USP6: variants seen among roughly 807,000 people sequenced by gnomAD.
USP6 encodes the protein ubiquitin carboxyl-terminal hydrolase 6.
Under a neutral mutation model 175.7 loss-of-function variants are expected in USP6, and 128 were observed. That is an observed-to-expected ratio of 0.73 (90% CI 0.63 to 0.84). The LOEUF (loss-of-function observed/expected upper bound fraction) is 0.84. USP6 is among the 40% of genes least tolerant of loss of function. The pLI, the probability that USP6 is intolerant of heterozygous loss-of-function variation, is 0.00. For synonymous variants in USP6, 562 were observed against 630.6 expected (o/e 0.89, Z 1.63); for missense variants, 1,498 against 1,760.3 (o/e 0.85, Z 2.67).
chr17:5,148,571 C>T lies in USP6; in HGVS notation c.2447C>T (p.Pro816Leu). Residue 816 changes from proline to leucine, a missense_variant, in exon 30 of 38, where the codon CCA (proline) becomes CTA (leucine). Pro to Leu is a moderately conservative substitution (Grantham distance 98). Around this residue, in one of 2 missense-constraint regions of USP6, gnomAD observed 1,217 missense variants for 1,500.8 expected, o/e 0.81. Coordinates refer to ENST00000574788, the MANE Select transcript of USP6 (RefSeq NM_001304284.2). ...SPTQIDFSSSPSTNGMFTLTT... is the reference protein window; with the variant it reads ...SPTQIDFSSSLSTNGMFTLTT... The stretch of plus-strand genomic sequence containing the variant: ...GAATTTGTAGATTTCTCCTCTTCAC[C>T]ATCTACAAATGGAATGTTCACCCTA... The T allele has an allele frequency of 1.2e-6, 2 of 1,613,872 alleles. No homozygotes were observed. The highest frequency in any genetic ancestry group is 1.7e-6 in the Non-Finnish European group (2 of 1,179,772).
chr17:5,143,185 C>T (rs1345949791), intron 25 of USP6, among the ~76,000 whole-genome samples: 1 of 152,114 alleles, frequency 6.6e-6, no homozygotes. Flanking sequence ...TGAGGGGCGC[C>T]TCTGCCTGGC....
intron 2 of USP6, 45 bp from the exon 3 acceptor site, chr17:5,120,582 C>T: frequency 2.8e-6 from 1 of 360,728 alleles, no homozygotes; most frequent in Non-Finnish European, 5.4e-6. Context: ...CAGGGTCTTT[C>T]CCCAGGATGG....
rs1444237669 is a variant in USP6 at position 5,136,707 on chromosome 17, G to A, written c.732G>A (p.Lys244=). Residue 244 remains lysine, a synonymous_variant, in exon 18 of 38, where the codon AAG becomes AAA. Coordinates refer to ENST00000574788, the MANE Select transcript of USP6 (RefSeq NM_001304284.2). ...ACCAACAGGAGCATGTGGTACCCAA[G>A]TCACAACCCAAGACCATGTGGCATC... The part of the protein sequence containing the change: ...LQDQQEHVVP[K]SQPKTMWHQD... The A allele has an allele frequency of 1.9e-6, 3 of 1,612,306 alleles. No homozygotes were observed. Among genetic ancestry groups the A allele is most frequent in the Non-Finnish European group, 2.5e-6 (3 of 1,179,750 alleles).
chr17:5,131,374 C>T (rs558042323), intron 11 of USP6, among the ~76,000 whole-genome samples: 1 of 148,496 alleles, frequency 6.7e-6, no homozygotes, highest in South Asian at 2.2e-4. Flanking sequence ...GGAGAGACAG[C>T]GGATGCCGGG....
intron 2 of USP6, among the ~76,000 whole-genome samples, chr17:5,118,925 T>C (rs941921609): frequency 1.3e-5 from 2 of 152,080 alleles, no homozygotes; most frequent in Non-Finnish European, 2.9e-5. Context: ...CAACATTTGA[T>C]TGGTAAGAAG....
In USP6 at chr17:5,136,751, C is replaced by T. The variant is rs770464717; in HGVS notation, c.759+17C>T. 3 of 1,611,350 alleles carry T rather than the reference C, an allele frequency of 1.9e-6. No homozygotes were observed. The highest frequency in any genetic ancestry group is 2.5e-6 in the Non-Finnish European group (3 of 1,178,948). ...TGGCATCAGGTGAGTTTATGGTCCC[C>T]TCGGCTCTTCTCAGAGGCCCTGCCT... On this transcript the variant is annotated intron_variant, in intron 18 of 37. Coordinates refer to ENST00000574788, the MANE Select transcript of USP6 (RefSeq NM_001304284.2).
At position 5,146,048 on chromosome 17, in the gene USP6, T is replaced by C; in HGVS notation, c.2193T>C (p.Pro731=). Residue 731 remains proline (P), a synonymous_variant, in exon 28 of 38, where the codon CCT becomes CCC. Transcript: ENST00000574788. ...TGATTAAGTTAGATGGTACTACCCC[T>C]GTACGGTATGGACTAAGACTGAATA... ...ITVIKLDGTT[P]VRYGLRLNMD... 1 of 1,611,760 alleles carries C rather than the reference T, an allele frequency of 6.2e-7. No individual in the cohort carries two copies. The highest frequency in any genetic ancestry group is 8.5e-7 in the Non-Finnish European group (1 of 1,178,794).
At chr17:5,168,563 G>A (rs747758809) in intron 34 of USP6, among the ~76,000 whole-genome samples, 27 of 152,250 alleles carry the variant, frequency 1.8e-4, no homozygotes, top group Non-Finnish European at 2.6e-4. Flanking sequence ...TGAGTTGAGC[G>A]CGTGTGCACA....
rs2144168375 is a variant in USP6 at position 5,168,837 on chromosome 17, T to C, written c.3299T>C (p.Leu1100Pro). The C allele has an allele frequency of 6.2e-7, 1 of 1,611,962 alleles. No individual in the cohort carries two copies. Among genetic ancestry groups the C allele is most frequent in the South Asian group, 1.1e-5 (1 of 90,560 alleles). ...WIKSQKIVRF[L>P]RESFDPSAFL... ...AAATCACAGAAAATTGTCAGATTTC[T>C]TCGGGAAAGTTTTGATCCGAGTGCT... is the stretch of plus-strand genomic sequence containing the variant. The change falls in exon 35 of 38, where the codon CTT becomes CCT. Residue 1100 changes from leucine (L) to proline (P), a missense_variant. Leu to Pro is a moderately conservative substitution (Grantham distance 98). Coordinates refer to ENST00000574788, the MANE Select transcript of USP6 (RefSeq NM_001304284.2).
At chr17:5,117,515 C>CA (rs59282298) in intron 1 of USP6, among the ~76,000 whole-genome samples, 5,085 of 61,554 alleles carry the variant, frequency 0.083, 172 homozygotes, top group African/African-American at 0.15. Flanking sequence ...GACTCCGTCT[C>CA]AAAAAAAAAA....
At chr17:5,130,791 C>A in intron 11 of USP6, 107 bp downstream of exon 11, 4 of 1,398,582 alleles carry the variant, frequency 2.9e-6, no homozygotes, top group South Asian at 2.4e-5. Flanking sequence ...CTCGCTAGGT[C>A]GGGCCAACCT....
Position 5,141,416 on chromosome 17 carries a change from T to A in USP6, c.1499-9T>A, listed in dbSNP as rs773527104. 1 of 1,601,940 alleles carries A rather than the reference T, an allele frequency of 6.2e-7. No homozygotes were observed. On this transcript the variant is annotated splice_polypyrimidine_tract_variant and intron_variant, in intron 22 of 37. Transcript: ENST00000574788. ...TAAGAAATTAACACATTCCTATCTG[T>A]CCTTCCAGTTCACAACAAAGATATG...
At chr17:5,171,553 T>C (rs1469807021) in intron 36 of USP6, 34 bp from the exon 37 acceptor site, 2 of 1,607,800 alleles carry the variant, frequency 1.2e-6, no homozygotes, top group Non-Finnish European at 1.7e-6. Context: ...TACAGTTAAC[T>C]ACTAACATAC....
chr17:5,138,926 C>T (rs746391415), intron 21 of USP6: 1 of 1,235,198 alleles, frequency 8.1e-7, no homozygotes, highest in South Asian at 1.3e-5. Context: ...TGGGTGACAT[C>T]CAAGGCCCCT....
intron 22 of USP6, 152 bp from the exon 23 acceptor site, chr17:5,141,273 C>A: frequency 4.5e-6 from 3 of 659,950 alleles, no homozygotes; most frequent in East Asian, 2.9e-5. Context: ...AGAATGTAAC[C>A]TCATCATTAA....
intron 30 of USP6, among the ~76,000 whole-genome samples, chr17:5,154,914 T>G (rs967744341): frequency 1.3e-5 from 2 of 152,116 alleles, no homozygotes; most frequent in Non-Finnish European, 2.9e-5. Flanking sequence ...TATTTATTTC[T>G]TTATAGAGAT....
In USP6 at chr17:5,146,133, G is replaced by C; in HGVS notation, c.2278G>C (p.Glu760Gln). The change falls in exon 28 of 38, where the codon GAA becomes CAA. Residue 760 changes from glutamate (E) to glutamine (Q), a missense_variant. By Grantham distance (29) the Glu-to-Gln change is conservative (BLOSUM62 2). Around this residue, in one of 2 missense-constraint regions of USP6, gnomAD observed 1,217 missense variants for 1,500.8 expected, o/e 0.81. Transcript: ENST00000574788. ...GAGGGATCTCTGTGGACTTAATTCA[G>C]AACAAATCCTACTAGCAGAAGTACA... ...QLRDLCGLNS[E>Q]QILLAEVHDS... 6.2e-7 allele frequency: 1 copy of C among 1,612,226 alleles called. No homozygotes were observed. Among genetic ancestry groups the C allele is most frequent in the Non-Finnish European group, 8.5e-7 (1 of 1,179,094 alleles).
chr17:5,132,543 A>G lies in USP6; in HGVS notation c.195+108A>G. The G allele has an allele frequency of 1.9e-6, 3 of 1,582,308 alleles. No individual in the cohort carries two copies. The highest frequency in any genetic ancestry group is 1.3e-5 in the African/African-American group (1 of 74,326). The stretch of plus-strand genomic sequence containing the variant: ...CTGGGCGGTGGCGGGTGAGGGCAAC[A>G]CGCTGTCACTGGGAGGGGCAGCAGA... On this transcript the variant is annotated intron_variant, in intron 12 of 37. Transcript: ENST00000574788. The surrounding 1 kb of genome is among the most constrained non-coding windows in gnomAD (Gnocchi z 4.7).
intron 21 of USP6, 83 bp downstream of exon 21, chr17:5,138,356 C>T: frequency 1.9e-6 from 3 of 1,594,400 alleles, no homozygotes; most frequent in Non-Finnish European, 2.6e-6. Context: ...AGCAACCCTA[C>T]TACCTGGGCC....
Sources: allele counts gnomAD v4.1 joint callset (sites outside exome capture counted in the v4.1 genomes callset), GRCh38; gene constraint gnomAD v4.1.1; regional missense constraint gnomAD v4.1.1; non-coding constraint Gnocchi (gnomAD v3.1); transcripts MANE v1.5; gene names NCBI Gene and HGNC (gene_info 2026-07-23, HGNC 2026-07-21).